The following GLRA2 variants were observed in gnomAD, a reference collection of about 807,000 sequenced individuals.
GLRA2 encodes the protein glycine receptor subunit alpha-2.
Under a neutral mutation model 31.6 loss-of-function variants are expected in GLRA2, and 11 were observed. The ratio of observed to expected loss-of-function variants is 0.35; its 90% CI spans 0.22 to 0.58. GLRA2 has a LOEUF of 0.58. Ranked by LOEUF, GLRA2 falls within the 20% of genes least tolerant of loss-of-function variation. GLRA2 has a pLI of 0.84. For missense variants in GLRA2, 212 were observed against 351.8 expected (o/e 0.60, Z 3.18); for synonymous variants, 132 against 134.0 (o/e 0.99, Z 0.10).
At chrX:14,681,993 GTA>G (rs1177300108) in intron 7 of GLRA2, among the ~76,000 whole-genome samples, 7 of 77,126 alleles carry the variant, frequency 9.1e-5, no homozygotes, top group East Asian at 6.2e-4. Flanking sequence ...ATTTATATAT[GTA>G]TGTGTGTGTG....
At chrX:14,660,084 A>C (rs891860588) in intron 7 of GLRA2, among the ~76,000 whole-genome samples, 6 of 111,960 alleles carry the variant, frequency 5.4e-5, no homozygotes, top group African/African-American at 2.0e-4. Flanking sequence ...TAAGTAATAT[A>C]TACAACAAAT....
chrX:14,684,967 C>G (rs1457319174), intron 7 of GLRA2, among the ~76,000 whole-genome samples: 1 of 110,685 alleles, frequency 9.0e-6, no homozygotes, highest in Non-Finnish European at 1.9e-5. Context: ...ATAGATAGCT[C>G]TTATTATTTT....
chrX:14,513,797 A>G, the GLRA2 span, among the ~76,000 whole-genome samples: 1 of 111,946 alleles, frequency 8.9e-6, no homozygotes, highest in Non-Finnish European at 1.9e-5. Context: ...TGAAAAGGGA[A>G]CCCTTATACA....
chrX:14,576,995 A>G (rs947884134), intron 3 of GLRA2, among the ~76,000 whole-genome samples: 1 of 113,022 alleles, frequency 8.8e-6, no homozygotes, highest in African/African-American at 3.2e-5. Context: ...AAAACTACAG[A>G]AAATATTTTT....
chrX:14,591,640 A>C (rs1248191518), intron 4 of GLRA2, among the ~76,000 whole-genome samples: 2 of 111,564 alleles, frequency 1.8e-5, no homozygotes, highest in African/African-American at 3.3e-5. Context: ...TCAAATGTTA[A>C]TCTCTTTTGG....
At chrX:14,703,319 C>T (rs1245200000) in intron 8 of GLRA2, among the ~76,000 whole-genome samples, 1 of 111,335 alleles carries the variant, frequency 9.0e-6, no homozygotes, top group African/African-American at 3.3e-5. Flanking sequence ...GAGCTACTTA[C>T]ATTCCTTGGC....
intron 4 of GLRA2, among the ~76,000 whole-genome samples, chrX:14,585,714 A>G (rs757371922): frequency 8.9e-6 from 1 of 112,054 alleles, no homozygotes; most frequent in African/African-American, 3.2e-5. Context: ...AGCTGATATA[A>G]AATTTATTTC....
chrX:14,689,906 A>G (rs1159046429), intron 7 of GLRA2, among the ~76,000 whole-genome samples: 2 of 112,235 alleles, frequency 1.8e-5, no homozygotes, highest in Non-Finnish European at 3.8e-5. Flanking sequence ...TTCAGAATCT[A>G]CTTTGTCAAA....
chrX:14,693,907 AT>A (rs2091402709), intron 8 of GLRA2, among the ~76,000 whole-genome samples: 1 of 112,219 alleles, frequency 8.9e-6, no homozygotes, highest in Non-Finnish European at 1.9e-5. Context: ...ATATCAAAAT[AT>A]ATGAACTGAG....
At chrX:14,600,405 T>C (rs368417220) in intron 4 of GLRA2, among the ~76,000 whole-genome samples, 3 of 111,759 alleles carry the variant, frequency 2.7e-5, no homozygotes, top group East Asian at 5.6e-4. Context: ...ATTATTATTA[T>C]TTTTAATTTC....
intron 2 of GLRA2, among the ~76,000 whole-genome samples, chrX:14,546,550 G>C (rs1240597996): frequency 1.8e-5 from 2 of 110,626 alleles, no homozygotes. Flanking sequence ...AAAACTCCAC[G>C]ATTCTACTTG....
chrX:14,539,471 G>A (rs926864031), intron 2 of GLRA2, among the ~76,000 whole-genome samples: 1 of 111,704 alleles, frequency 9.0e-6, no homozygotes, highest in African/African-American at 3.2e-5. Context: ...GAGCATATGA[G>A]CAAAAGGCAT....
At chrX:14,683,759 A>G (rs2091243802) in intron 7 of GLRA2, among the ~76,000 whole-genome samples, 1 of 111,039 alleles carries the variant, frequency 9.0e-6, no homozygotes, top group Admixed American at 9.6e-5. Flanking sequence ...TCAGCTTTCT[A>G]CATATGGCTA....
intron 2 of GLRA2, among the ~76,000 whole-genome samples, chrX:14,548,519 A>G (rs747778005): frequency 1.8e-5 from 2 of 111,809 alleles, no homozygotes; most frequent in Non-Finnish European, 1.9e-5. Context: ...GTAGAGGGTG[A>G]TTCAAAGGAG....
chrX:14,568,282 T>A (rs1601718998), intron 2 of GLRA2, among the ~76,000 whole-genome samples: 1 of 112,405 alleles, frequency 8.9e-6, no homozygotes, highest in Non-Finnish European at 1.9e-5. Context: ...GATAAATATG[T>A]TGACCAATAG....
At chrX:14,673,553 T>C (rs1339352926) in intron 7 of GLRA2, among the ~76,000 whole-genome samples, 1 of 111,649 alleles carries the variant, frequency 9.0e-6, no homozygotes, top group African/African-American at 3.3e-5. Context: ...ATAGGAGGCA[T>C]AGGCAACTTG....
At chrX:14,575,581 C>T (rs2089946958) in intron 3 of GLRA2, among the ~76,000 whole-genome samples, 1 of 110,201 alleles carries the variant, frequency 9.1e-6, no homozygotes, top group African/African-American at 3.3e-5. Context: ...CCTGCCTCAG[C>T]CTCCCAAGTA....
At chrX:14,500,548 T>C in the GLRA2 span, among the ~76,000 whole-genome samples, 4 of 112,200 alleles carry the variant, frequency 3.6e-5, no homozygotes, top group East Asian at 1.1e-3. Context: ...ATGCTTCCTG[T>C]GGGTTGAGGT....
chrX:14,564,607 C>T lies in GLRA2; in HGVS notation c.203-9726C>T, dbSNP rs140675031. On this transcript the variant is annotated intron_variant, in intron 2 of 8. Transcript: ENST00000218075. ...TTTATAACTGCACTTTTATGTCCTACAGGACTTGGAAAGACAAATGCATAA... is the reference window on the plus strand; with the variant it reads ...TTTATAACTGCACTTTTATGTCCTATAGGACTTGGAAAGACAAATGCATAA... Among the ~76,000 whole-genome samples the T allele has an allele frequency of 2.0e-3, 225 of 112,357 alleles. 1 individual carries two copies. The highest frequency in any genetic ancestry group is 7.0e-3 in the African/African-American group (216 of 31,043).
Sources: allele counts gnomAD v4.1 joint callset (sites outside exome capture counted in the v4.1 genomes callset), GRCh38; gene constraint gnomAD v4.1.1; transcripts MANE v1.5; gene names NCBI Gene and HGNC (gene_info 2026-07-23, HGNC 2026-07-21).